Variants in IREB2 observed in about 807,000 individuals in gnomAD.
The protein encoded by IREB2 is iron responsive element binding protein 2.
A neutral mutation model predicts 118.8 loss-of-function variants in IREB2; 39 were observed. The ratio of observed to expected loss-of-function variants is 0.33; its 90% CI spans 0.25 to 0.43. The LOEUF is 0.43. Ranked by LOEUF, IREB2 falls within the 20% of genes least tolerant of loss-of-function variation. IREB2 has a pLI of 1.00. For synonymous variants in IREB2, 372 were observed against 392.2 expected, an observed-to-expected ratio of 0.95 and a Z score of 0.61; for missense variants, 900 against 1,147.3, an observed-to-expected ratio of 0.78 and a Z score of 3.11.
Position 78,476,264 on chromosome 15 carries a change from A to G in IREB2, c.1100A>G (p.Asp367Gly). 1.2e-6 allele frequency: 2 copies of G among 1,610,028 alleles called. No homozygotes were observed. The highest frequency in any genetic ancestry group is 1.7e-6 in the Non-Finnish European group (2 of 1,176,956). ...GSGVSQLSIVDRTTIANMCPE... is the reference protein window; with the variant it reads ...GSGVSQLSIVGRTTIANMCPE... The stretch of plus-strand genomic sequence containing the variant: ...GGAGTTTCACAATTATCTATAGTTG[A>G]TCGAACTACAATAGCAAACATGTGT... Residue 367 changes from aspartate (D) to glycine (G), a missense_variant, in exon 9 of 22, where the codon GAT (aspartate) becomes GGT (glycine). Coordinates refer to ENST00000258886, the MANE Select transcript of IREB2 (RefSeq NM_004136.4).
rs560480534 is a variant in IREB2, at chr15:78,462,567, TATTGA to T, written c.107-346_107-342del. Among the ~76,000 whole-genome samples, 236 of 152,364 alleles carry T rather than the reference TATTGA, an allele frequency of 1.5e-3. 4 individuals are homozygous for T. The highest frequency in any genetic ancestry group is 5.3e-3 in the African/African-American group (220 of 41,588). On this transcript the variant is annotated intron_variant, in intron 2 of 21. Coordinates refer to ENST00000258886, the MANE Select transcript of IREB2 (RefSeq NM_004136.4). ...TTGCCATACCAGGGGATGTCTGCAT[TATTGA>T]ATTGAATTCTGATATTCTGTGCTTT... is the stretch of plus-strand genomic sequence containing the variant.
chr15:78,463,059 C>T lies in IREB2; in HGVS notation c.244C>T (p.Pro82Ser). The T allele has an allele frequency of 1.9e-6, 3 of 1,607,740 alleles. No homozygotes were observed. Among genetic ancestry groups the T allele is most frequent in the Non-Finnish European group, 2.5e-6 (3 of 1,178,068 alleles). The stretch of plus-strand genomic sequence containing the variant: ...AAGCAATGTTGAAGTGCCCTTTTTC[C>T]CTGCCCGTGTTCTTCTTCAAGATTT... ...KQSNVEVPFF[P>S]ARVLLQDFTG... Residue 82 changes from proline to serine, a missense_variant, in exon 3 of 22, where the codon CCT becomes TCT. Pro to Ser is a moderately conservative substitution (Grantham distance 74). Transcript: ENST00000258886.
intron 11 of IREB2, 28 bp from the exon 12 acceptor site, chr15:78,484,733 G>C (rs756393033): frequency 6.4e-6 from 10 of 1,565,862 alleles, no homozygotes; most frequent in Non-Finnish European, 8.8e-6. Flanking sequence ...AGAATATTTA[G>C]TTTATATTTT....
At chr15:78,494,119 T>G (rs771610324) in intron 19 of IREB2, 23 bp from the exon 20 acceptor site, 2 of 1,612,590 alleles carry the variant, frequency 1.2e-6, no homozygotes, top group African/African-American at 2.7e-5. Flanking sequence ...ATTAAAAAAT[T>G]TTGTGTTTGT....
At chr15:78,497,365 T>C (rs1233756935) in intron 21 of IREB2, 54 bp downstream of exon 21, 8 of 1,280,156 alleles carry the variant, frequency 6.2e-6, no homozygotes, top group Admixed American at 3.6e-5. Context: ...TTATGAATTA[T>C]TGAATAAGAA....
chr15:78,444,736 G>A (rs1276136550), intron 2 of IREB2, among the ~76,000 whole-genome samples: 3 of 152,080 alleles, frequency 2.0e-5, no homozygotes, highest in Non-Finnish European at 4.4e-5. Context: ...TAAAAATAAA[G>A]TATATGTTGT....
intron 9 of IREB2, chr15:78,476,642 G>T: frequency 4.9e-6 from 1 of 204,126 alleles, no homozygotes; most frequent in Non-Finnish European, 9.9e-6. Flanking sequence ...CTACTTAGGG[G>T]TCATAGGTTG....
At chr15:78,444,519 A>C (rs1313971107) in intron 2 of IREB2, among the ~76,000 whole-genome samples, 1 of 151,702 alleles carries the variant, frequency 6.6e-6, no homozygotes, top group Non-Finnish European at 1.5e-5. Flanking sequence ...TGCCTTTTTA[A>C]CCACAGTACT....
chr15:78,450,868 GTGTGTA>G (rs1260150297), intron 2 of IREB2, among the ~76,000 whole-genome samples: 1 of 134,086 alleles, frequency 7.5e-6, no homozygotes, highest in African/African-American at 2.8e-5. Context: ...GTGTGTGTGT[GTGTGTA>G]TTTTAATATA....
At chr15:78,445,725 T>C (rs1001742868) in intron 2 of IREB2, among the ~76,000 whole-genome samples, 1 of 152,248 alleles carries the variant, frequency 6.6e-6, no homozygotes, top group Admixed American at 6.5e-5. Flanking sequence ...TTGTATGTTA[T>C]GACTGGATTA....
At chr15:78,448,117 C>G (rs1450820001) in intron 2 of IREB2, among the ~76,000 whole-genome samples, 1 of 152,206 alleles carries the variant, frequency 6.6e-6, no homozygotes, top group Non-Finnish European at 1.5e-5. Context: ...CTCAGACTCT[C>G]TCAATGGCAA....
chr15:78,460,752 A>G (rs570844378), intron 2 of IREB2, among the ~76,000 whole-genome samples: 15 of 152,330 alleles, frequency 9.8e-5, no homozygotes, highest in East Asian at 9.6e-4. Flanking sequence ...TAGGAAGAGA[A>G]AAATAAATCA....
rs899384663 is a variant in IREB2, at chr15:78,471,989, A to G, written c.883+65A>G. On this transcript the variant is annotated intron_variant, in intron 7 of 21. Transcript: ENST00000258886. ...AAGGATGTCAAGAACATTGTAAAAGAACATAAATTATTGAGTTTGTATAGC... is the reference window on the plus strand; with the variant it reads ...AAGGATGTCAAGAACATTGTAAAAGGACATAAATTATTGAGTTTGTATAGC... 6.8e-5 allele frequency: 86 copies of G among 1,260,516 alleles called. 1 individual carries two copies. The East Asian group carries it at 2.0e-3, about 29-fold the overall frequency. 78.1% of individuals were successfully genotyped at this position (1,260,516 alleles called of 1,614,324 possible).
chr15:78,483,245 G>A (rs201892412), intron 10 of IREB2, 73 bp from the exon 11 acceptor site: 20 of 727,998 alleles, frequency 2.7e-5, no homozygotes, highest in South Asian at 1.5e-4. Context: ...GCTTTAGAAA[G>A]TAATGCTTCA....
intron 2 of IREB2, among the ~76,000 whole-genome samples, chr15:78,446,797 C>G (rs1454128164): frequency 6.6e-6 from 1 of 151,536 alleles, no homozygotes; most frequent in Non-Finnish European, 1.5e-5. Context: ...GCCAAGGAGG[C>G]CACAGGCCAC....
rs2051701230 is a variant in IREB2, at chr15:78,488,700, G to A, written c.2005G>A (p.Glu669Lys). 1.5e-5 allele frequency: 24 copies of A among 1,609,536 alleles called. No homozygotes were observed. Among genetic ancestry groups the A allele is most frequent in the Non-Finnish European group, 2.0e-5 (24 of 1,176,234 alleles). Residue 669 changes from glutamate (E) to lysine (K), a missense_variant, in exon 16 of 22, where the codon GAA (glutamate) becomes AAA (lysine). Glu to Lys is a moderately conservative substitution (Grantham distance 56). Coordinates refer to ENST00000258886, the MANE Select transcript of IREB2 (RefSeq NM_004136.4). The stretch of plus-strand genomic sequence containing the variant: ...CCTGCATGATATTTGGCCTAGTCGA[G>A]AAGAAGTTCATCGAGTAGAGGAAGA... The part of the protein sequence containing the change: ...IYLHDIWPSR[E>K]EVHRVEEEHV...
intron 5 of IREB2, among the ~76,000 whole-genome samples, chr15:78,467,727 A>G (rs1267221789): frequency 6.6e-6 from 1 of 152,182 alleles, no homozygotes; most frequent in Non-Finnish European, 1.5e-5. Flanking sequence ...TAAAATATGT[A>G]CTATAAAGTT....
At chr15:78,496,885 C>T (rs549777571) in intron 20 of IREB2, among the ~76,000 whole-genome samples, 14 of 152,222 alleles carry the variant, frequency 9.2e-5, no homozygotes, top group South Asian at 2.1e-4. Context: ...TGGTAGGCAG[C>T]GGCAGTACTT....
Position 78,449,214 on chromosome 15 carries a change from A to G in IREB2, c.106+9333A>G, listed in dbSNP as rs545139500. 1.8e-3 allele frequency among the ~76,000 whole-genome samples: 268 copies of G among 152,306 alleles called. 1 individual carries two copies. The highest frequency in any genetic ancestry group is 3.9e-3 in the Admixed American group (59 of 15,294). On this transcript the variant is annotated intron_variant, in intron 2 of 21. Transcript: ENST00000258886. ...CGGTTTAGTAATGTCAGTAATAAAA[A>G]AAATTTTTTTAAGTATTTGTTGAGT...
Sources: gnomAD v4.1 joint callset for allele counts (sites outside exome capture counted in the v4.1 genomes callset) on GRCh38, gnomAD v4.1.1 for gene constraint, MANE v1.5 for transcripts, NCBI Gene and HGNC (gene_info 2026-07-23, HGNC 2026-07-21) for gene names.